DLC1: variants seen among roughly 807,000 people sequenced by gnomAD.
DLC1 encodes DLC1 Rho GTPase activating protein.
Under a neutral mutation model 140.3 loss-of-function variants are expected in DLC1, and 54 were observed. The ratio of observed to expected loss-of-function variants is 0.38; its 90% confidence interval spans 0.31 to 0.48. The LOEUF is 0.48. DLC1 is among the 20% of genes least tolerant of loss of function. The pLI, the probability that DLC1 is intolerant of heterozygous loss-of-function variation, is 0.96. For missense variants in DLC1, 2,536 were observed against 1,907.0 expected (o/e 1.33, Z -6.14); for synonymous variants, 986 against 728.1 (o/e 1.35, Z -5.70).
rs763562987 is a variant in DLC1 at position 13,401,578 on chromosome 8, C to A, written c.1065G>T (p.Met355Ile). ...EDRDRARLDS[M>I]VLLIMKLDQL... ...GGTCCAGTTTCATAATCAGCAGCAC[C>A]ATGGAGTCCAGCCGCGCCCTATCTC... The change falls in exon 3 of 18, where the codon ATG becomes ATT. Residue 355 changes from methionine to isoleucine, a missense_variant. Physicochemically the swap from Met to Ile is conservative, Grantham distance 10 (BLOSUM62 1). Transcript: ENST00000276297. 1.1e-5 allele frequency: 18 copies of A among 1,613,822 alleles called. No homozygotes were observed. The highest frequency in any genetic ancestry group is 1.7e-4 in the Middle Eastern group (1 of 5,840).
rs1405739007 is a variant in DLC1 at position 13,357,230 on chromosome 8, C to A, written c.1314+36323G>T. ...AGGCTGCAGTGAGCCAAGATTGTAC[C>A]ACTGCACTCCAGCCTGGGCAACAGA... is the stretch of plus-strand genomic sequence containing the variant. On this transcript the variant is annotated intron_variant, in intron 4 of 17. Transcript: ENST00000276297. 2.0e-5 allele frequency among the ~76,000 whole-genome samples: 3 copies of A among 152,026 alleles called. No individual in the cohort carries two copies. The East Asian group carries it at 5.8e-4, about 29-fold the overall frequency.
chr8:13,327,579 CA>C (rs1031861276), intron 4 of DLC1, among the ~76,000 whole-genome samples: 2 of 151,724 alleles, frequency 1.3e-5, no homozygotes, highest in African/African-American at 4.8e-5. Context: ...CTCAGGTTCT[CA>C]TTGTTAGGAT....
At chr8:13,152,119 C>G (rs377212619) in intron 5 of DLC1, among the ~76,000 whole-genome samples, 34 of 152,206 alleles carry the variant, frequency 2.2e-4, no homozygotes, top group African/African-American at 8.2e-4. Context: ...GAGTGCACAA[C>G]TGTACTTGTA....
chr8:13,266,397 T>C (rs1326558259), intron 5 of DLC1, among the ~76,000 whole-genome samples: 1 of 152,186 alleles, frequency 6.6e-6, no homozygotes, highest in Non-Finnish European at 1.5e-5. Context: ...AGGCCTAGTT[T>C]CTCCCTTTGT....
At chr8:13,473,630 G>A (rs2117082119) in intron 2 of DLC1, among the ~76,000 whole-genome samples, 1 of 152,100 alleles carries the variant, frequency 6.6e-6, no homozygotes, top group Non-Finnish European at 1.5e-5. Flanking sequence ...TTGTTGAATG[G>A]CTTTGCCCAA....
intron 5 of DLC1, among the ~76,000 whole-genome samples, chr8:13,151,053 TG>T (rs1446242029): frequency 6.6e-6 from 1 of 152,150 alleles, no homozygotes; most frequent in Non-Finnish European, 1.5e-5. Context: ...TTACAGGAAT[TG>T]GAACCATATG....
At chr8:13,319,809 T>TTC (rs1235407854) in intron 4 of DLC1, among the ~76,000 whole-genome samples, 6 of 114,312 alleles carry the variant, frequency 5.2e-5, no homozygotes, top group Admixed American at 1.1e-4. Context: ...CATTGTTTAA[T>TTC]TCTCTCTCTC....
chr8:13,220,525 T>C (rs1232393095), intron 5 of DLC1, among the ~76,000 whole-genome samples: 1 of 152,152 alleles, frequency 6.6e-6, no homozygotes, highest in Non-Finnish European at 1.5e-5. Flanking sequence ...TAACTATCAA[T>C]AAGTAAACAC....
At chr8:13,147,250 C>A (rs537771276) in intron 5 of DLC1, among the ~76,000 whole-genome samples, 8 of 152,140 alleles carry the variant, frequency 5.3e-5, no homozygotes, top group Admixed American at 2.0e-4. Context: ...AAACTCTGAC[C>A]TAAATAAATC....
At chr8:13,507,226 C>T (rs760251766) in intron 1 of DLC1, among the ~76,000 whole-genome samples, 13 of 152,192 alleles carry the variant, frequency 8.5e-5, no homozygotes, top group Non-Finnish European at 1.5e-4. Flanking sequence ...GCACACAGCT[C>T]AGTGATAAAT....
chr8:13,422,798 T>TA (rs200778195), intron 2 of DLC1, among the ~76,000 whole-genome samples: 4,641 of 145,536 alleles, frequency 0.032, 244 homozygotes, highest in African/African-American at 0.11. Context: ...AACAACCAGC[T>TA]AAAAAAAAAA....
intron 5 of DLC1, among the ~76,000 whole-genome samples, chr8:13,253,388 C>T (rs758920244): frequency 2.6e-5 from 4 of 151,922 alleles, no homozygotes; most frequent in Non-Finnish European, 4.4e-5. Flanking sequence ...TTTAACATGG[C>T]TTCTTGTGTA....
At chr8:13,543,954 C>G (rs375514787) in intron 1 of DLC1, among the ~76,000 whole-genome samples, 1 of 151,614 alleles carries the variant, frequency 6.6e-6, no homozygotes, top group Non-Finnish European at 1.5e-5. Context: ...CACAGTTCAT[C>G]CATGCAACCA....
intron 5 of DLC1, among the ~76,000 whole-genome samples, chr8:13,244,361 G>A (rs932823519): frequency 2.7e-5 from 4 of 149,844 alleles, no homozygotes; most frequent in South Asian, 2.1e-4. Context: ...GCAGTGGTGC[G>A]ATCATAGTTC....
chr8:13,116,311 T>A, intron 5 of DLC1: 1 of 847,560 alleles, frequency 1.2e-6, no homozygotes, highest in Non-Finnish European at 1.4e-6. Context: ...TTTCACATCT[T>A]GTAGATAGAA....
intron 5 of DLC1, among the ~76,000 whole-genome samples, chr8:13,154,097 G>T (rs1824055894): frequency 6.6e-6 from 1 of 152,260 alleles, no homozygotes; most frequent in South Asian, 2.1e-4. Flanking sequence ...TCAGGGTGGT[G>T]ATTGGTGTGT....
intron 1 of DLC1, among the ~76,000 whole-genome samples, chr8:13,520,134 A>G (rs11778487): frequency 0.44 from 67,589 of 152,088 alleles, 15,631 homozygotes; most frequent in Non-Finnish European, 0.5. Context: ...CATATACCCA[A>G]AGGATTATAA....
chr8:13,428,414 C>T (rs773164648), intron 2 of DLC1, among the ~76,000 whole-genome samples: 8 of 152,036 alleles, frequency 5.3e-5, no homozygotes, highest in Admixed American at 1.3e-4. Context: ...CTGTTTTCTA[C>T]GATTTTTAAC....
intron 2 of DLC1, among the ~76,000 whole-genome samples, chr8:13,426,645 A>G (rs1838594029): frequency 6.6e-6 from 1 of 152,172 alleles, no homozygotes; most frequent in East Asian, 1.9e-4. Flanking sequence ...AAATATGACA[A>G]TTGAGACTTA....
Sources: allele counts gnomAD v4.1 joint callset (sites outside exome capture counted in the v4.1 genomes callset), GRCh38; gene constraint gnomAD v4.1.1; transcripts MANE v1.5; gene names NCBI Gene and HGNC (gene_info 2026-07-23, HGNC 2026-07-21).